Variants in SPAG16 observed in about 807,000 individuals in gnomAD.
SPAG16 encodes sperm associated antigen 16.
A neutral mutation model predicts 80.4 loss-of-function variants in SPAG16; 86 were observed. The observed-to-expected ratio is 1.07, with a 90% CI of 0.90 to 1.28. The LOEUF is 1.28. SPAG16 is among the 50% of genes most tolerant of loss of function. The pLI, the probability that SPAG16 is intolerant of heterozygous loss-of-function variation, is 0.00. For missense variants in SPAG16, 870 were observed against 765.3 expected (o/e 1.14, Z -1.61); for synonymous variants, 294 against 265.9 (o/e 1.11, Z -1.03).
At chr2:214,397,566 C>T (rs1274657895) in intron 15 of SPAG16, among the ~76,000 whole-genome samples, 1 of 152,122 alleles carries the variant, frequency 6.6e-6, no homozygotes, top group African/African-American at 2.4e-5. Flanking sequence ...TGCAGTTTAT[C>T]CTTGGGAGTT....
At chr2:214,307,819 A>G (rs572428397) in intron 15 of SPAG16, among the ~76,000 whole-genome samples, 1 of 150,980 alleles carries the variant, frequency 6.6e-6, no homozygotes, top group African/African-American at 2.4e-5. Flanking sequence ...CCAATTATGT[A>G]TTTTACAGTA....
At chr2:213,390,022 A>G (rs1432503414) in intron 9 of SPAG16, among the ~76,000 whole-genome samples, 1 of 152,196 alleles carries the variant, frequency 6.6e-6, no homozygotes, top group Non-Finnish European at 1.5e-5. Flanking sequence ...AAAATGTGGT[A>G]TATACATACA....
At chr2:214,094,501 A>G (rs1346803626) in intron 13 of SPAG16, among the ~76,000 whole-genome samples, 15 of 152,116 alleles carry the variant, frequency 9.9e-5, no homozygotes, top group Admixed American at 9.8e-4. Context: ...GTTATAAACA[A>G]GCTTTCTGCT....
intron 9 of SPAG16, among the ~76,000 whole-genome samples, chr2:213,447,681 C>T (rs2071415849): frequency 6.6e-6 from 1 of 152,228 alleles, no homozygotes; most frequent in Non-Finnish European, 1.5e-5. Context: ...TTACCTCCAG[C>T]CTGACTATTC....
At chr2:213,921,592 A>T (rs1013063921) in intron 11 of SPAG16, among the ~76,000 whole-genome samples, 4 of 152,124 alleles carry the variant, frequency 2.6e-5, no homozygotes, top group African/African-American at 7.2e-5. Context: ...GCTGGTTATT[A>T]TGCAGACTTG....
At chr2:214,333,041 T>C (rs1161805548) in intron 15 of SPAG16, among the ~76,000 whole-genome samples, 1 of 152,220 alleles carries the variant, frequency 6.6e-6, no homozygotes, top group Non-Finnish European at 1.5e-5. Context: ...TTTTTCCCAT[T>C]ATCGGAGGAA....
chr2:214,171,405 TGC>T, intron 15 of SPAG16, among the ~76,000 whole-genome samples: 1 of 152,124 alleles, frequency 6.6e-6, no homozygotes, highest in Non-Finnish European at 1.5e-5. Context: ...TGTTGCACTT[TGC>T]TGAGTTATTT....
intron 15 of SPAG16, among the ~76,000 whole-genome samples, chr2:214,405,022 A>G (rs1277072487): frequency 6.6e-6 from 1 of 152,172 alleles, no homozygotes; most frequent in African/African-American, 2.4e-5. Flanking sequence ...CAATTATGAG[A>G]TTAACATGAG....
At chr2:213,691,140 T>C (rs371100736) in intron 10 of SPAG16, among the ~76,000 whole-genome samples, 2 of 152,100 alleles carry the variant, frequency 1.3e-5, no homozygotes, top group South Asian at 2.1e-4. Flanking sequence ...CATAGCACTC[T>C]TCAATAAGCC....
intron 10 of SPAG16, among the ~76,000 whole-genome samples, chr2:213,814,373 T>C (rs2072380299): frequency 6.6e-6 from 1 of 152,216 alleles, no homozygotes; most frequent in African/African-American, 2.4e-5. Context: ...TCTAAAAATA[T>C]ACCTTTATAA....
At chr2:214,187,779 A>G (rs1285595023) in intron 15 of SPAG16, among the ~76,000 whole-genome samples, 1 of 151,620 alleles carries the variant, frequency 6.6e-6, no homozygotes, top group Non-Finnish European at 1.5e-5. Context: ...CATATCGCTT[A>G]ACCTTTTTTT....
chr2:213,790,432 G>A (rs2070621496), intron 10 of SPAG16, among the ~76,000 whole-genome samples: 2 of 151,880 alleles, frequency 1.3e-5, no homozygotes, highest in Non-Finnish European at 2.9e-5. Flanking sequence ...AACTCAGACC[G>A]TTATAACCAA....
intron 11 of SPAG16, among the ~76,000 whole-genome samples, chr2:213,881,398 C>CAT (rs2076339984): frequency 6.6e-6 from 1 of 152,180 alleles, no homozygotes; most frequent in African/African-American, 2.4e-5. Flanking sequence ...TATGTAGGAT[C>CAT]ATATAGTCAG....
Position 213,445,494 on chromosome 2 carries a change from T to C in SPAG16, c.943-44469T>C, listed in dbSNP as rs115253017. Among the ~76,000 whole-genome samples the C allele has an allele frequency of 2.9e-3, 444 of 152,186 alleles. 3 individuals are homozygous for C. The highest frequency in any genetic ancestry group is 4.9e-3 in the Non-Finnish European group (333 of 68,012). On this transcript the variant is annotated intron_variant, in intron 9 of 15. Coordinates refer to ENST00000331683, the MANE Select transcript of SPAG16 (RefSeq NM_024532.5). The stretch of plus-strand genomic sequence containing the variant: ...CTGGCCAACATGGTGAAACTCTCTC[T>C]ACTAAAAATACAAAAAAATTAGCTG...
rs769854528 is a variant in SPAG16 at position 213,340,293 on chromosome 2, A to G, written c.644+23A>G. ...AGGGTAAGCTTATACTTGTTGGCAT[A>G]TTTATTAAAGAGTTATTTAATACAT... On this transcript the variant is annotated intron_variant, in intron 6 of 15. Coordinates refer to ENST00000331683, the MANE Select transcript of SPAG16 (RefSeq NM_024532.5). 1.4e-5 allele frequency: 20 copies of G among 1,461,838 alleles called. No individual in the cohort carries two copies. In the South Asian group the frequency reaches 2.3e-4, roughly 17 times the overall value. The allele number at this position is 1,461,838 out of a possible 1,614,324, so 90.6% of individuals were successfully genotyped here.
At chr2:214,263,445 A>G (rs995041183) in intron 15 of SPAG16, among the ~76,000 whole-genome samples, 5 of 152,162 alleles carry the variant, frequency 3.3e-5, no homozygotes, top group East Asian at 1.9e-4. Flanking sequence ...ATAGAAGCAT[A>G]TATCTTTATA....
At chr2:213,619,983 A>G (rs2061715940) in intron 10 of SPAG16, among the ~76,000 whole-genome samples, 1 of 152,224 alleles carries the variant, frequency 6.6e-6, no homozygotes, top group Admixed American at 6.5e-5. Context: ...ATCCAGACAT[A>G]AAAAAGAATG....
intron 11 of SPAG16, among the ~76,000 whole-genome samples, chr2:213,909,528 G>A (rs1377061702): frequency 6.6e-6 from 1 of 151,794 alleles, no homozygotes; most frequent in Non-Finnish European, 1.5e-5. Flanking sequence ...TCAAAACAGA[G>A]ACATAGATCA....
chr2:213,635,393 T>G (rs903507536), intron 10 of SPAG16, among the ~76,000 whole-genome samples: 3 of 152,156 alleles, frequency 2.0e-5, no homozygotes, highest in Non-Finnish European at 2.9e-5. Flanking sequence ...CAAGTGTCTT[T>G]TTCATTTAAT....
Sources: allele counts gnomAD v4.1 joint callset (sites outside exome capture counted in the v4.1 genomes callset), GRCh38; gene constraint gnomAD v4.1.1; transcripts MANE v1.5; gene names NCBI Gene and HGNC (gene_info 2026-07-23, HGNC 2026-07-21).